The following MSI2 variants were observed in gnomAD, a reference collection of about 807,000 sequenced individuals.
The protein encoded by MSI2 is musashi RNA binding protein 2, also known as RNA-binding protein Musashi homolog 2.
Under a neutral mutation model 45.6 loss-of-function variants are expected in MSI2, and 17 were observed. The observed-to-expected ratio is 0.37, with a 90% CI of 0.26 to 0.56. The LOEUF (loss-of-function observed/expected upper bound fraction) is 0.56. Ranked by LOEUF, MSI2 falls within the 20% of genes least tolerant of loss-of-function variation. The probability of loss-of-function intolerance (pLI) is 0.77; values close to 1 mark genes in which losing one functional copy is unlikely to be tolerated. For missense variants in MSI2, 293 were observed against 444.2 expected, an observed-to-expected ratio of 0.66 and a Z score of 3.06; for synonymous variants, 156 against 158.2, an observed-to-expected ratio of 0.99 and a Z score of 0.11.
At chr17:57,325,929 TTG>T (rs1260052142) in intron 5 of MSI2, among the ~76,000 whole-genome samples, 1 of 152,210 alleles carries the variant, frequency 6.6e-6, no homozygotes, top group Non-Finnish European at 1.5e-5. Context: ...CCATGACCTG[TTG>T]TGTTTCCTGA....
chr17:57,563,746 GCACACACACACA>G (rs61342598), intron 7 of MSI2, among the ~76,000 whole-genome samples: 5 of 139,294 alleles, frequency 3.6e-5, no homozygotes, highest in South Asian at 2.4e-4. Flanking sequence ...ACACAGGCGC[GCACACACACACA>G]CACACACACA....
intron 9 of MSI2, among the ~76,000 whole-genome samples, chr17:57,622,533 G>A (rs1908405531): frequency 6.6e-6 from 1 of 152,138 alleles, no homozygotes; most frequent in Non-Finnish European, 1.5e-5. Context: ...GAAACGAAGA[G>A]AGGCTGATGA....
chr17:57,586,384 C>G (rs1421415441), intron 7 of MSI2, among the ~76,000 whole-genome samples: 3 of 152,100 alleles, frequency 2.0e-5, no homozygotes, highest in African/African-American at 7.2e-5. Context: ...TCTAACCTCC[C>G]TTTCTTCCCT....
At chr17:57,460,126 C>T (rs913459933) in intron 6 of MSI2, among the ~76,000 whole-genome samples, 1 of 118,506 alleles carries the variant, frequency 8.4e-6, no homozygotes, top group African/African-American at 3.2e-5. Flanking sequence ...GGAACTCTGT[C>T]TCAAATAAAT....
intron 7 of MSI2, among the ~76,000 whole-genome samples, chr17:57,555,532 A>G (rs982725540): frequency 4.6e-5 from 7 of 152,076 alleles, no homozygotes; most frequent in Non-Finnish European, 7.4e-5. Context: ...TTTTGCACAT[A>G]TTAACCCCTA....
intron 6 of MSI2, among the ~76,000 whole-genome samples, chr17:57,517,663 G>T (rs1272351563): frequency 2.6e-5 from 4 of 152,144 alleles, no homozygotes; most frequent in African/African-American, 9.7e-5. Context: ...TTACCAACAT[G>T]CACTCCAAGA....
At chr17:57,456,809 G>A (rs2085124720) in intron 6 of MSI2, among the ~76,000 whole-genome samples, 1 of 152,220 alleles carries the variant, frequency 6.6e-6, no homozygotes, top group Non-Finnish European at 1.5e-5. Flanking sequence ...ATTTTAGGCA[G>A]ATGATTGCCT....
At chr17:57,376,035 T>C (rs911298314) in intron 5 of MSI2, among the ~76,000 whole-genome samples, 3 of 152,184 alleles carry the variant, frequency 2.0e-5, no homozygotes, top group Non-Finnish European at 4.4e-5. Context: ...ATTTCTCGCT[T>C]TAGGTGATCG....
Position 57,683,267 on chromosome 17 carries a change from C to T in MSI2, c.*3750C>T. 4.3e-6 allele frequency: 1 copy of T among 230,542 alleles called. No individual in the cohort carries two copies. Among genetic ancestry groups the T allele is most frequent in the Non-Finnish European group, 8.6e-6 (1 of 116,496 alleles). 14.3% of individuals were successfully genotyped at this position (230,542 alleles called of 1,614,324 possible). The stretch of plus-strand genomic sequence containing the variant: ...ATTGGGTAATTGTTGGTTCTAATGA[C>T]CTGAAAGGTGTTCAGTTTTTGTTCT... On this transcript the variant is annotated 3_prime_UTR_variant, in exon 14 of 14. Coordinates refer to ENST00000284073, the MANE Select transcript of MSI2 (RefSeq NM_138962.4). This position sits in a 1 kb window ranked among gnomAD's most constrained non-coding sequence, Gnocchi z 5.2.
At chr17:57,408,052 A>G (rs1414610528) in intron 6 of MSI2, among the ~76,000 whole-genome samples, 2 of 152,178 alleles carry the variant, frequency 1.3e-5, no homozygotes, top group Non-Finnish European at 2.9e-5. Context: ...GGGGCTTTGC[A>G]GGTAAACCCT....
At chr17:57,269,557 G>C (rs1908156982) in intron 5 of MSI2, among the ~76,000 whole-genome samples, 1 of 152,170 alleles carries the variant, frequency 6.6e-6, no homozygotes, top group Non-Finnish European at 1.5e-5. Flanking sequence ...TACCTTTGGG[G>C]TGTGTGGCTG....
intron 11 of MSI2, among the ~76,000 whole-genome samples, chr17:57,674,476 A>G (rs868688721): frequency 6.6e-6 from 1 of 152,124 alleles, no homozygotes; most frequent in Middle Eastern, 3.4e-3. Flanking sequence ...TCACGTTTTA[A>G]TATCAATATT....
At chr17:57,486,544 A>C (rs1225130353) in intron 6 of MSI2, among the ~76,000 whole-genome samples, 1 of 152,190 alleles carries the variant, frequency 6.6e-6, no homozygotes, top group Non-Finnish European at 1.5e-5. Flanking sequence ...TTATGCAAAT[A>C]ATATATGGGA....
intron 6 of MSI2, among the ~76,000 whole-genome samples, chr17:57,445,883 G>A (rs769503798): frequency 2.6e-5 from 4 of 152,182 alleles, no homozygotes; most frequent in Non-Finnish European, 5.9e-5. Context: ...GGGCTTAGGA[G>A]AGCAAACCTT....
intron 10 of MSI2, chr17:57,628,380 C>T (rs924311172): frequency 3.3e-5 from 5 of 152,308 alleles, no homozygotes; most frequent in African/African-American, 1.2e-4. Context: ...TTGGCCTGGT[C>T]TTTGCCTCAG....
At chr17:57,520,281 T>A (rs2086556854) in intron 6 of MSI2, among the ~76,000 whole-genome samples, 1 of 152,222 alleles carries the variant, frequency 6.6e-6, no homozygotes, top group Non-Finnish European at 1.5e-5. Flanking sequence ...CTTAGGTAGA[T>A]AAAATGTCTA....
intron 6 of MSI2, among the ~76,000 whole-genome samples, chr17:57,458,772 T>G (rs946701176): frequency 6.6e-6 from 1 of 152,198 alleles, no homozygotes; most frequent in Non-Finnish European, 1.5e-5. Context: ...TGAACCAGGC[T>G]TTGTTCAAGG....
intron 5 of MSI2, among the ~76,000 whole-genome samples, chr17:57,272,302 G>A (rs1402250740): frequency 6.6e-6 from 1 of 152,184 alleles, no homozygotes; most frequent in East Asian, 1.9e-4. Flanking sequence ...CAACTTAGCG[G>A]CATTTTGTTT....
At chr17:57,452,499 G>T (rs951109645) in intron 6 of MSI2, among the ~76,000 whole-genome samples, 1 of 152,216 alleles carries the variant, frequency 6.6e-6, no homozygotes, top group African/African-American at 2.4e-5. Context: ...TCCTGGACTC[G>T]TGAGGGGCAG....
Sources: allele counts gnomAD v4.1 joint callset (sites outside exome capture counted in the v4.1 genomes callset), GRCh38; gene constraint gnomAD v4.1.1; non-coding constraint Gnocchi (gnomAD v3.1); transcripts MANE v1.5; gene names NCBI Gene and HGNC (gene_info 2026-07-23, HGNC 2026-07-21).